CTNND2: variants seen among roughly 807,000 people sequenced by gnomAD.
CTNND2 encodes catenin delta-2.
CTNND2 carries 22 observed loss-of-function variants against 144.4 expected under a neutral mutation model. The observed-to-expected ratio is 0.15, with a 90% confidence interval of 0.11 to 0.22. The LOEUF is 0.22. Ranked by LOEUF, CTNND2 falls within the 10% of genes least tolerant of loss-of-function variation. The pLI is 1.00. For missense variants in CTNND2, 1,353 were observed against 1,618.8 expected (o/e 0.84, Z 2.82); for synonymous variants, 751 against 695.6 (o/e 1.08, Z -1.25).
intron 2 of CTNND2, among the ~76,000 whole-genome samples, chr5:11,579,984 T>C (rs1372861869): frequency 6.6e-6 from 1 of 152,156 alleles, no homozygotes; most frequent in Non-Finnish European, 1.5e-5. Flanking sequence ...AAAGCAATAG[T>C]CTCCTCAGAA....
At chr5:11,126,854 T>C (rs2149708537) in intron 12 of CTNND2, among the ~76,000 whole-genome samples, 1 of 152,326 alleles carries the variant, frequency 6.6e-6, no homozygotes, top group African/African-American at 2.4e-5. Flanking sequence ...GGGTGGTAAC[T>C]TAAAAAATAA....
At chr5:11,532,551 C>A (rs767019078) in intron 3 of CTNND2, among the ~76,000 whole-genome samples, 21 of 152,138 alleles carry the variant, frequency 1.4e-4, no homozygotes, top group Non-Finnish European at 2.4e-4. Context: ...CTATTGAGCA[C>A]CTACTGTAGG....
At chr5:11,896,336 T>C (rs1419839679) in intron 1 of CTNND2, among the ~76,000 whole-genome samples, 2 of 152,204 alleles carry the variant, frequency 1.3e-5, no homozygotes, top group African/African-American at 4.8e-5. Context: ...ATATCTCTGC[T>C]AAAAATATGG....
rs1777019758 is a variant in CTNND2 at position 11,565,554 on chromosome 5, AT to A, written c.175-499del. ...TATATATTGTAGATTGAAGAAAATAATGCTTTATAACCCACACTCTTCATAA... is the reference window on the plus strand; with the variant it reads ...TATATATTGTAGATTGAAGAAAATAAGCTTTATAACCCACACTCTTCATAA... On this transcript the variant is annotated intron_variant, in intron 2 of 21. Coordinates refer to ENST00000304623, the MANE Select transcript of CTNND2 (RefSeq NM_001332.4). Among the ~76,000 whole-genome samples, 9 of 151,942 alleles carry A rather than the reference AT, an allele frequency of 5.9e-5. No individual in the cohort carries two copies. The South Asian group carries it at 1.9e-3, about 31-fold the overall frequency.
chr5:11,430,119 G>A (rs558931571), intron 3 of CTNND2, among the ~76,000 whole-genome samples: 77 of 151,516 alleles, frequency 5.1e-4, no homozygotes, highest in African/African-American at 1.8e-3. Context: ...GTGTGGTGTC[G>A]CGTGCCTGTA....
chr5:11,543,080 A>G (rs1774900396), intron 3 of CTNND2, among the ~76,000 whole-genome samples: 1 of 152,236 alleles, frequency 6.6e-6, no homozygotes, highest in Admixed American at 6.5e-5. Context: ...ATCAACTTTC[A>G]TCTATGTGAC....
intron 9 of CTNND2, among the ~76,000 whole-genome samples, chr5:11,275,313 C>T (rs2149985152): frequency 6.6e-6 from 1 of 152,282 alleles, no homozygotes; most frequent in East Asian, 1.9e-4. Context: ...CATCTGGTGC[C>T]TCCTAATCCC....
rs1197048041 is a variant in CTNND2, at chr5:11,821,985, G to T, written c.37+81832C>A. Among the ~76,000 whole-genome samples, 9 of 152,192 alleles carry T rather than the reference G, an allele frequency of 5.9e-5. No individual in the cohort carries two copies. The South Asian group carries it at 1.5e-3, about 25-fold the overall frequency. On this transcript the variant is annotated intron_variant, in intron 1 of 21. Coordinates refer to ENST00000304623, the MANE Select transcript of CTNND2 (RefSeq NM_001332.4). ...TTCTGAGTTTTTCATCAATAGAACA[G>T]GATTCCTCATTCTTTAAGTAATGAT...
At position 10,972,162 on chromosome 5, in the gene CTNND2, C is replaced by A. The variant is rs1007339220; in HGVS notation, c.*1291G>T. ...TGAAACTGAATTGGCCATGGTTTAT[C>A]GTGTTCTGAGGGGATAAAATGTGTA... On this transcript the variant is annotated 3_prime_UTR_variant, in exon 22 of 22. Transcript: ENST00000304623. The A allele has an allele frequency of 1.7e-4, 26 of 152,566 alleles. No individual in the cohort carries two copies. Among genetic ancestry groups the A allele is most frequent in the African/African-American group, 6.0e-4 (25 of 41,424 alleles). 9.5% of individuals were successfully genotyped at this position (152,566 alleles called of 1,614,324 possible).
At chr5:11,818,863 T>C (rs1329291286) in intron 1 of CTNND2, among the ~76,000 whole-genome samples, 2 of 152,118 alleles carry the variant, frequency 1.3e-5, no homozygotes, top group Admixed American at 6.6e-5. Context: ...GGTTTTGGAT[T>C]ATAGCGGGTT....
intron 12 of CTNND2, among the ~76,000 whole-genome samples, chr5:11,158,057 G>A (rs1368424360): frequency 6.6e-6 from 1 of 152,136 alleles, no homozygotes; most frequent in Admixed American, 6.5e-5. Context: ...CAAACACCAC[G>A]AAGACATACT....
intron 2 of CTNND2, among the ~76,000 whole-genome samples, chr5:11,593,967 T>G (rs1176621564): frequency 6.6e-6 from 1 of 152,160 alleles, no homozygotes; most frequent in Non-Finnish European, 1.5e-5. Context: ...CATAAAACTG[T>G]AAGTGGGAAT....
chr5:11,356,399 C>T (rs923112137), intron 8 of CTNND2, among the ~76,000 whole-genome samples: 6 of 151,900 alleles, frequency 3.9e-5, no homozygotes, highest in Non-Finnish European at 8.8e-5. Context: ...AATTCATGCA[C>T]CTAGAGCCAA....
intron 12 of CTNND2, among the ~76,000 whole-genome samples, chr5:11,122,065 T>A (rs1754198140): frequency 6.6e-6 from 1 of 152,200 alleles, no homozygotes; most frequent in Admixed American, 6.5e-5. Flanking sequence ...TTATTGAGAA[T>A]TCAGCCCTTC....
chr5:11,326,126 T>C (rs1041290973), intron 9 of CTNND2, among the ~76,000 whole-genome samples: 1 of 152,166 alleles, frequency 6.6e-6, no homozygotes, highest in African/African-American at 2.4e-5. Flanking sequence ...TCAATTCCTG[T>C]TCCTTTTACC....
At chr5:11,155,664 C>G (rs1291718216) in intron 12 of CTNND2, among the ~76,000 whole-genome samples, 1 of 152,104 alleles carries the variant, frequency 6.6e-6, no homozygotes, top group Non-Finnish European at 1.5e-5. Flanking sequence ...TGGCCTCTCA[C>G]AATCTAGCTG....
intron 2 of CTNND2, among the ~76,000 whole-genome samples, chr5:11,623,438 G>A (rs781594480): frequency 1.7e-4 from 26 of 151,852 alleles, no homozygotes; most frequent in Admixed American, 3.9e-4. Context: ...CTTGTTTGCC[G>A]CCGTGTAAGA....
chr5:11,725,995 T>A (rs533575215), intron 2 of CTNND2, among the ~76,000 whole-genome samples: 1 of 152,208 alleles, frequency 6.6e-6, no homozygotes, highest in Admixed American at 6.5e-5. Flanking sequence ...GCACTGACTA[T>A]TTTACCCCAG....
intron 2 of CTNND2, among the ~76,000 whole-genome samples, chr5:11,578,879 T>C (rs1364038984): frequency 1.3e-5 from 2 of 152,118 alleles, no homozygotes; most frequent in East Asian, 3.9e-4. Context: ...GTCAACGCTT[T>C]TGTTTCATCT....
Sources: gnomAD v4.1 joint callset for allele counts (sites outside exome capture counted in the v4.1 genomes callset) on GRCh38, gnomAD v4.1.1 for gene constraint, MANE v1.5 for transcripts, NCBI Gene and HGNC (gene_info 2026-07-23, HGNC 2026-07-21) for gene names.